WWP2: variants seen among roughly 807,000 people sequenced by gnomAD.
The protein encoded by WWP2 is NEDD4-like E3 ubiquitin-protein ligase WWP2.
A neutral mutation model predicts 121.0 loss-of-function variants in WWP2; 57 were observed. That is an observed-to-expected ratio of 0.47 (90% CI 0.38 to 0.59). The LOEUF is 0.59. Among genes scored for constraint, WWP2 ranks in the 20% least tolerant of loss-of-function variants. WWP2 has a pLI of 0.00. For synonymous variants in WWP2, 449 were observed against 441.3 expected (o/e 1.02, Z -0.22); for missense variants, 962 against 1,158.9 (o/e 0.83, Z 2.47).
rs577894059 is a variant in WWP2 at position 69,931,885 on chromosome 16, C to T, written c.1677C>T (p.Ile559=). 7.2e-5 allele frequency: 116 copies of T among 1,612,750 alleles called. No homozygotes were observed. Among genetic ancestry groups the T allele is most frequent in the Admixed American group, 4.8e-4 (29 of 59,980 alleles). Residue 559 remains isoleucine (I), a synonymous_variant, in exon 16 of 24, where the codon ATC becomes ATT. Transcript: ENST00000359154. Reference sequence around the variant, plus strand: ...AGGAGGGCCTGGACTATGGGGGCATCGCCAGGTGAGCTTGAGTGCCCCGGA... The same window carrying T: ...AGGAGGGCCTGGACTATGGGGGCATTGCCAGGTGAGCTTGAGTGCCCCGGA... ...RGEEGLDYGG[I]AREWFFLLSH... is the part of the protein sequence containing the mutation.
At chr16:69,930,862 A>T (rs1292478641) in intron 13 of WWP2, among the ~76,000 whole-genome samples, 3 of 152,192 alleles carry the variant, frequency 2.0e-5, no homozygotes, top group Admixed American at 1.3e-4. Context: ...ACAGAGCAAG[A>T]CCCCGTCTCT....
chr16:69,775,361 C>T (rs2055503054), intron 1 of WWP2, among the ~76,000 whole-genome samples: 1 of 152,142 alleles, frequency 6.6e-6, no homozygotes, highest in African/African-American at 2.4e-5. Context: ...TGACTTCCTG[C>T]TTTTCCTGTT....
chr16:69,796,024 T>C (rs1280913088), intron 2 of WWP2, among the ~76,000 whole-genome samples: 1 of 151,956 alleles, frequency 6.6e-6, no homozygotes, highest in Non-Finnish European at 1.5e-5. Flanking sequence ...TTCTTTCTTT[T>C]TTTTTTTGCG....
rs1246915023 is a variant in WWP2 at position 69,933,033 on chromosome 16, C to G, written c.1683-937C>G. 8.3e-6 allele frequency: 4 copies of G among 480,890 alleles called. 1 individual carries two copies. Among genetic ancestry groups the G allele is most frequent in the South Asian group, 6.1e-5 (4 of 65,440 alleles). 29.8% of individuals were successfully genotyped at this position (480,890 alleles called of 1,614,324 possible). ...ATGTTCCTTTTTTCCGTGGTGACCT[C>G]CTCTCCAGGCTCTGCTTGGTGGGCT... is the stretch of plus-strand genomic sequence containing the variant. On this transcript the variant is annotated intron_variant, in intron 16 of 23. Transcript: ENST00000359154.
chr16:69,833,952 T>C, intron 4 of WWP2, among the ~76,000 whole-genome samples: 1 of 152,162 alleles, frequency 6.6e-6, no homozygotes, highest in East Asian at 1.9e-4. Flanking sequence ...AGAATCTTCT[T>C]AGACACTGTG....
intron 4 of WWP2, among the ~76,000 whole-genome samples, chr16:69,823,475 G>GT (rs574763691): frequency 0.016 from 2,263 of 143,378 alleles, 35 homozygotes; most frequent in African/African-American, 0.045. Context: ...TTTTTCTTGT[G>GT]TTTTTTTTTT....
chr16:69,906,173 C>T (rs758619089), intron 8 of WWP2, among the ~76,000 whole-genome samples: 25 of 151,818 alleles, frequency 1.6e-4, no homozygotes, highest in African/African-American at 3.4e-4. Flanking sequence ...TCCGGGTTCA[C>T]GCCATTCTCC....
chr16:69,924,408 G>A (rs1351748753), intron 10 of WWP2, among the ~76,000 whole-genome samples: 1 of 152,070 alleles, frequency 6.6e-6, no homozygotes, highest in East Asian at 1.9e-4. Flanking sequence ...TTAAATTTTA[G>A]TAAGTAAAAT....
chr16:69,803,087 T>TA (rs11370872), intron 4 of WWP2, among the ~76,000 whole-genome samples: 9,707 of 144,210 alleles, frequency 0.067, 371 homozygotes, highest in Middle Eastern at 0.12. Context: ...ATATTACTTG[T>TA]AAAAAAAAAA....
At position 69,840,211 on chromosome 16, in the gene WWP2, C is replaced by T. The variant is rs147894462; in HGVS notation, c.426C>T (p.Asp142=). 63 of 1,614,172 alleles carry T rather than the reference C, an allele frequency of 3.9e-5. No homozygotes were observed. The Middle Eastern group carries it at 1.3e-3, about 34-fold the overall frequency. ...VSGGELTIFL[D]GPTVDLGNVP... is the part of the protein sequence containing the mutation. ...GCGGAGAGCTGACAATTTTCCTGGA[C>T]GGGCCAACTGTTGATCTGGGAAATG... The change falls in exon 5 of 24, where the codon GAC becomes GAT. Residue 142 remains aspartate (D), a synonymous_variant. Coordinates refer to ENST00000359154, the MANE Select transcript of WWP2 (RefSeq NM_001270454.2).
At chr16:69,817,470 G>A (rs1567682640) in intron 4 of WWP2, among the ~76,000 whole-genome samples, 2 of 151,964 alleles carry the variant, frequency 1.3e-5, no homozygotes, top group Admixed American at 1.3e-4. Context: ...GGCTGGTCTC[G>A]AACTCCTGAC....
Position 69,924,509 on chromosome 16 carries a change from C to G in WWP2, c.1180-921C>G, listed in dbSNP as rs949874588. Among the ~76,000 whole-genome samples, 15 of 152,284 alleles carry G rather than the reference C, an allele frequency of 9.9e-5. 1 individual carries two copies. Among genetic ancestry groups the G allele is most frequent in the Admixed American group, 5.9e-4 (9 of 15,290 alleles). Reference sequence around the variant, plus strand: ...GACCAGAACTTTTTGACAACACCCCCCTTCCCCGCAGGATATGAGAATGCC... The same window carrying G: ...GACCAGAACTTTTTGACAACACCCCGCTTCCCCGCAGGATATGAGAATGCC... On this transcript the variant is annotated intron_variant, in intron 10 of 23. Coordinates refer to ENST00000359154, the MANE Select transcript of WWP2 (RefSeq NM_001270454.2).
At chr16:69,784,701 G>A (rs758891090) in intron 1 of WWP2, among the ~76,000 whole-genome samples, 18 of 152,204 alleles carry the variant, frequency 1.2e-4, no homozygotes, top group East Asian at 5.8e-4. Flanking sequence ...CTCTTCTGCC[G>A]CCTGTTGAAG....
chr16:69,785,683 A>G (rs1178828690), intron 1 of WWP2, among the ~76,000 whole-genome samples: 2 of 146,436 alleles, frequency 1.4e-5, no homozygotes, highest in Non-Finnish European at 1.5e-5. Context: ...CTGGAGTGCC[A>G]TGGCACAGTC....
chr16:69,892,239 T>C (rs2058039818), intron 8 of WWP2, among the ~76,000 whole-genome samples: 1 of 152,198 alleles, frequency 6.6e-6, no homozygotes, highest in Non-Finnish European at 1.5e-5. Context: ...ATTTGCAGAA[T>C]GTGCAGTTTC....
intron 4 of WWP2, among the ~76,000 whole-genome samples, chr16:69,803,427 G>A (rs1453189956): frequency 6.6e-6 from 1 of 151,722 alleles, no homozygotes; most frequent in African/African-American, 2.4e-5. Context: ...ATAGTGACAT[G>A]AATTCCTATT....
rs767859747 is a variant in WWP2 at position 69,840,184 on chromosome 16, A to G, written c.399A>G (p.Ser133=). ...CGGAGAACAAAGGCAGCGTTGTCTC[A>G]GGCGGAGAGCTGACAATTTTCCTGG... is the stretch of plus-strand genomic sequence containing the variant. ...LQTENKGSVV[S]GGELTIFLDG... is the part of the protein sequence containing the mutation. The change falls in exon 5 of 24, where the codon TCA becomes TCG. Residue 133 remains serine (S), a synonymous_variant. Coordinates refer to ENST00000359154, the MANE Select transcript of WWP2 (RefSeq NM_001270454.2). 5.0e-6 allele frequency: 8 copies of G among 1,614,080 alleles called. No homozygotes were observed. The highest frequency in any genetic ancestry group is 6.8e-6 in the Non-Finnish European group (8 of 1,180,004).
intron 10 of WWP2, among the ~76,000 whole-genome samples, chr16:69,921,363 G>A (rs566398654): frequency 1.3e-5 from 2 of 152,184 alleles, no homozygotes; most frequent in East Asian, 1.9e-4. Flanking sequence ...ACTAGCTAGC[G>A]GCCTCCCCTC....
chr16:69,902,452 C>A (rs1036774594), intron 8 of WWP2, among the ~76,000 whole-genome samples: 5 of 152,150 alleles, frequency 3.3e-5, no homozygotes, highest in African/African-American at 1.2e-4. Context: ...AGTACAAAGA[C>A]CTCGTGTAGT....
Sources: allele counts gnomAD v4.1 joint callset (sites outside exome capture counted in the v4.1 genomes callset), GRCh38; gene constraint gnomAD v4.1.1; transcripts MANE v1.5; gene names NCBI Gene and HGNC (gene_info 2026-07-23, HGNC 2026-07-21).